Variants in PIAS2 observed in about 807,000 individuals in gnomAD.
PIAS2 encodes protein inhibitor of activated STAT 2.
Under a neutral mutation model 69.7 loss-of-function variants are expected in PIAS2, and 19 were observed. The ratio of observed to expected loss-of-function variants is 0.27; its 90% CI spans 0.19 to 0.40. The LOEUF is 0.40. PIAS2 is among the 10% of genes least tolerant of loss of function. PIAS2 has a pLI of 1.00. For synonymous variants in PIAS2, 261 were observed against 263.2 expected (o/e 0.99, Z 0.08); for missense variants, 624 against 757.0 (o/e 0.82, Z 2.06).
At chr18:46,855,694 G>A (rs1297110048) in intron 3 of PIAS2, 79 bp from the exon 4 acceptor site, 3 of 1,060,346 alleles carry the variant, frequency 2.8e-6, no homozygotes, top group South Asian at 2.7e-5. Flanking sequence ...GGAAAAAAAG[G>A]AAAAGCATTA....
chr18:46,813,897 T>C (rs72905301), intron 13 of PIAS2, among the ~76,000 whole-genome samples: 1,681 of 152,322 alleles, frequency 0.011, 16 homozygotes, highest in Non-Finnish European at 0.017. Context: ...GCTCTAAAGA[T>C]GGTTGAATTG....
intron 11 of PIAS2, chr18:46,827,092 C>G (rs963005673): frequency 6.6e-6 from 1 of 152,084 alleles, no homozygotes; most frequent in African/African-American, 2.4e-5. Flanking sequence ...CCATTATATA[C>G]TTAAGATGGG....
At chr18:46,852,459 G>C (rs147985658) in intron 5 of PIAS2, among the ~76,000 whole-genome samples, 3 of 152,176 alleles carry the variant, frequency 2.0e-5, no homozygotes, top group Non-Finnish European at 2.9e-5. Context: ...AGCTGCTGCA[G>C]GCCCCTGGCT....
At chr18:46,917,026 C>CA in intron 1 of PIAS2, 2 of 987,516 alleles carry the variant, frequency 2.0e-6, no homozygotes, top group Non-Finnish European at 2.4e-6. Context: ...GTCGGGTCCC[C>CA]ATGTGCCCCT....
At position 46,804,797 on chromosome 18, in the gene PIAS2, G is replaced by GGATCCTGC. The variant is rs1365929145; in HGVS notation, c.*7628_*7635dup. The GGATCCTGC allele has an allele frequency of 6.6e-6, 1 of 152,182 alleles. No individual in the cohort carries two copies. Among genetic ancestry groups the GGATCCTGC allele is most frequent in the Non-Finnish European group, 1.5e-5 (1 of 68,050 alleles). The allele number at this position is 152,182 out of a possible 1,614,324, so 9.4% of individuals were successfully genotyped here. On this transcript the variant is annotated 3_prime_UTR_variant, in exon 14 of 14. Coordinates refer to ENST00000585916, the MANE Select transcript of PIAS2 (RefSeq NM_004671.5). Reference sequence around the variant, plus strand: ...TTGGAGCACAACTTTGGTGGGGGCAGGATCCTGCCTTGTGTTCCAAGTGCC... The same window carrying GGATCCTGC: ...TTGGAGCACAACTTTGGTGGGGGCAGGATCCTGCGATCCTGCCTTGTGTTCCAAGTGCC...
chr18:46,897,065 A>G (rs754626254), intron 1 of PIAS2, among the ~76,000 whole-genome samples: 3 of 152,204 alleles, frequency 2.0e-5, no homozygotes, highest in African/African-American at 7.2e-5. Flanking sequence ...TGTAAATTTA[A>G]GAGTGTTTCA....
In PIAS2 at chr18:46,805,209, G is replaced by A. The variant is rs2040631936; in HGVS notation, c.*7224C>T. On this transcript the variant is annotated 3_prime_UTR_variant, in exon 14 of 14. Coordinates refer to ENST00000585916, the MANE Select transcript of PIAS2 (RefSeq NM_004671.5). ...CTACGTCATGTCGGAGGATGGATAG[G>A]TTACTGAGGATTTCTTCAAGGCTGC... 6.6e-6 allele frequency: 1 copy of A among 152,196 alleles called. No individual in the cohort carries two copies. The highest frequency in any genetic ancestry group is 6.5e-5 in the Admixed American group (1 of 15,280). The allele number at this position is 152,196 out of a possible 1,614,324, so 9.4% of individuals were successfully genotyped here.
At chr18:46,836,611 A>C (rs1245717485) in intron 8 of PIAS2, 94 bp from the exon 9 acceptor site, 1 of 788,846 alleles carries the variant, frequency 1.3e-6, no homozygotes, top group African/African-American at 1.7e-5. Flanking sequence ...GATGTCATAC[A>C]AGAAGATGAT....
At chr18:46,895,136 G>T (rs1323435308) in intron 1 of PIAS2, among the ~76,000 whole-genome samples, 4 of 151,482 alleles carry the variant, frequency 2.6e-5, no homozygotes, top group African/African-American at 9.7e-5. Context: ...GTAATCACCA[G>T]TGAATAAAAA....
In PIAS2 at chr18:46,829,792, T is replaced by C; in HGVS notation, c.1278A>G (p.Pro426=). ...IKFQEDGSWC[P]MRPKKEAMKV... ...TCATAGCTTCTTTCTTCGGTCTCAT[T>C]GGACACCAAGAACCATCTTCTTGGA... The change falls in exon 10 of 14, where the codon CCA becomes CCG. Residue 426 remains proline (P), a synonymous_variant. Coordinates refer to ENST00000585916, the MANE Select transcript of PIAS2 (RefSeq NM_004671.5). 2 of 1,613,460 alleles carry C rather than the reference T, an allele frequency of 1.2e-6. No individual in the cohort carries two copies. The highest frequency in any genetic ancestry group is 1.7e-6 in the Non-Finnish European group (2 of 1,179,454).
chr18:46,882,618 C>T (rs1379191897), intron 2 of PIAS2, among the ~76,000 whole-genome samples: 5 of 152,082 alleles, frequency 3.3e-5, no homozygotes, highest in African/African-American at 1.2e-4. Context: ...AAGAATAGTG[C>T]CTGATACATG....
intron 1 of PIAS2, chr18:46,915,605 C>G (rs2057737235): frequency 6.6e-6 from 1 of 152,042 alleles, no homozygotes; most frequent in African/African-American, 2.4e-5. Context: ...GAGAGGAAGG[C>G]AGAAAGGAAG....
At chr18:46,911,657 C>T in intron 1 of PIAS2, among the ~76,000 whole-genome samples, 1 of 152,200 alleles carries the variant, frequency 6.6e-6, no homozygotes, top group Admixed American at 6.5e-5. Context: ...TACTCAATTT[C>T]TAGATTTTCC....
chr18:46,828,823 G>A (rs1299090064), intron 10 of PIAS2, among the ~76,000 whole-genome samples: 1 of 152,104 alleles, frequency 6.6e-6, no homozygotes, highest in Admixed American at 6.5e-5. Context: ...GTTATTATCT[G>A]TAATGTATTT....
At chr18:46,863,326 T>A (rs1305519046) in intron 3 of PIAS2, among the ~76,000 whole-genome samples, 3 of 152,134 alleles carry the variant, frequency 2.0e-5, no homozygotes, top group Non-Finnish European at 4.4e-5. Context: ...CTTTACCCAA[T>A]ATATATATTT....
At chr18:46,818,866 G>A (rs2041861839) in intron 12 of PIAS2, among the ~76,000 whole-genome samples, 4 of 151,980 alleles carry the variant, frequency 2.6e-5, no homozygotes, top group Admixed American at 2.6e-4. Flanking sequence ...TATTAGTCTT[G>A]TTTGCTCAAT....
At chr18:46,848,099 T>A (rs946858271) in intron 5 of PIAS2, among the ~76,000 whole-genome samples, 1 of 152,216 alleles carries the variant, frequency 6.6e-6, no homozygotes, top group Non-Finnish European at 1.5e-5. Flanking sequence ...CACTTTTCAC[T>A]CAGTCATTAA....
At chr18:46,863,775 C>A (rs2049014308) in intron 3 of PIAS2, among the ~76,000 whole-genome samples, 1 of 152,156 alleles carries the variant, frequency 6.6e-6, no homozygotes, top group Non-Finnish European at 1.5e-5. Flanking sequence ...CTGTTATGGA[C>A]TGAATTGTGT....
chr18:46,888,722 C>T (rs1196267517), intron 2 of PIAS2, among the ~76,000 whole-genome samples: 1 of 152,140 alleles, frequency 6.6e-6, no homozygotes. Flanking sequence ...ATGCACAGTT[C>T]ACAGTAGGGT....
Sources: gnomAD v4.1 joint callset for allele counts (sites outside exome capture counted in the v4.1 genomes callset) on GRCh38, gnomAD v4.1.1 for gene constraint, MANE v1.5 for transcripts, NCBI Gene and HGNC (gene_info 2026-07-23, HGNC 2026-07-21) for gene names.